The following HTR1F variants were observed in gnomAD, a reference collection of about 807,000 sequenced individuals.
HTR1F encodes 5-hydroxytryptamine receptor 1F.
In HTR1F, 17 loss-of-function variants were observed where a neutral mutation model predicts 24.0. The ratio of observed to expected loss-of-function variants is 0.71; its 90% CI spans 0.48 to 1.06. The LOEUF is 1.06. HTR1F is among the 50% of genes least tolerant of loss of function. HTR1F has a pLI of 0.00. For synonymous variants in HTR1F, 186 were observed against 156.8 expected (o/e 1.19, Z -1.39); for missense variants, 391 against 427.8 (o/e 0.91, Z 0.76).
chr3:87,878,146 C>A (rs1705711938), intron 2 of HTR1F, among the ~76,000 whole-genome samples: 4 of 151,984 alleles, frequency 2.6e-5, no homozygotes, highest in Non-Finnish European at 5.9e-5. Flanking sequence ...ACTTTTGTAA[C>A]CAATAACAAA....
chr3:87,926,301 G>A (rs1210702555), intron 2 of HTR1F, among the ~76,000 whole-genome samples: 1 of 152,084 alleles, frequency 6.6e-6, no homozygotes. Flanking sequence ...AAATATTTTA[G>A]ATCAGACAGT....
rs146947379 is a variant in HTR1F at position 87,943,225 on chromosome 3, T to C, written c.-42-47483T>C. On this transcript the variant is annotated intron_variant, in intron 2 of 2. Transcript: ENST00000319595. ...CTATCATTGACCTGACTGAGTGAGA[T>C]ACCAGAGATCGCCAAACTCTCAGGC... is the stretch of plus-strand genomic sequence containing the variant. Among the ~76,000 whole-genome samples the C allele has an allele frequency of 4.8e-3, 734 of 152,278 alleles. 2 individuals carry two copies. Among genetic ancestry groups the C allele is most frequent in the African/African-American group, 0.017 (703 of 41,544 alleles).
intron 2 of HTR1F, among the ~76,000 whole-genome samples, chr3:87,919,463 C>A (rs1345061966): frequency 2.6e-5 from 4 of 152,006 alleles, no homozygotes; most frequent in African/African-American, 4.8e-5. Context: ...AAAGTCTTCA[C>A]AATCTATACA....
At chr3:87,832,939 A>G (rs1258368644) in intron 2 of HTR1F, among the ~76,000 whole-genome samples, 2 of 152,216 alleles carry the variant, frequency 1.3e-5, no homozygotes, top group East Asian at 1.9e-4. Flanking sequence ...TTGCTTTTGT[A>G]TTCAGACTGG....
chr3:87,896,618 C>T (rs559709326), intron 2 of HTR1F, among the ~76,000 whole-genome samples: 7 of 152,164 alleles, frequency 4.6e-5, no homozygotes, highest in Admixed American at 3.9e-4. Context: ...AAACAATCAA[C>T]AAAGTGAAAA....
intron 2 of HTR1F, among the ~76,000 whole-genome samples, chr3:87,839,273 TCATTCATCTG>T (rs1283104288): frequency 6.6e-6 from 1 of 152,078 alleles, no homozygotes; most frequent in Non-Finnish European, 1.5e-5. Context: ...GGGCCTAATT[TCATTCATCTG>T]CATGTAGATG....
chr3:87,983,777 T>TA (rs1304816199), intron 2 of HTR1F, among the ~76,000 whole-genome samples: 1 of 152,122 alleles, frequency 6.6e-6, no homozygotes, highest in African/African-American at 2.4e-5. Context: ...AATGGAAGAG[T>TA]AAAAAAACAT....
intron 2 of HTR1F, among the ~76,000 whole-genome samples, chr3:87,843,511 C>CTT (rs56345027): frequency 1.7e-4 from 24 of 138,222 alleles, no homozygotes; most frequent in African/African-American, 3.4e-4. Context: ...CTTTCTTTTT[C>CTT]TTTTTTTTTT....
At chr3:87,954,576 T>G (rs1261030198) in intron 2 of HTR1F, among the ~76,000 whole-genome samples, 6 of 151,616 alleles carry the variant, frequency 4.0e-5, no homozygotes, top group Non-Finnish European at 8.9e-5. Flanking sequence ...AAAGAAAATT[T>G]AAGGGATCAA....
intron 2 of HTR1F, among the ~76,000 whole-genome samples, chr3:87,924,630 C>T (rs1704082888): frequency 6.6e-6 from 1 of 152,124 alleles, no homozygotes; most frequent in African/African-American, 2.4e-5. Context: ...TGAAGGATAG[C>T]ATTGCTGGGT....
chr3:87,813,156 C>T (rs530305500), intron 1 of HTR1F, among the ~76,000 whole-genome samples: 1 of 152,326 alleles, frequency 6.6e-6, no homozygotes, highest in East Asian at 1.9e-4. Flanking sequence ...CTACTAACAA[C>T]TTGCACTGTG....
At chr3:87,815,611 T>C (rs1032330919) in intron 1 of HTR1F, among the ~76,000 whole-genome samples, 2 of 152,138 alleles carry the variant, frequency 1.3e-5, no homozygotes, top group African/African-American at 2.4e-5. Context: ...TCTAAGGTTA[T>C]ACAATTTATC....
chr3:87,904,624 T>C (rs1265769399), intron 2 of HTR1F, among the ~76,000 whole-genome samples: 2 of 152,028 alleles, frequency 1.3e-5, no homozygotes, highest in Non-Finnish European at 2.9e-5. Context: ...ATAAATAAAC[T>C]GTGGTATGGT....
At chr3:87,891,196 T>G (rs1706077148) in intron 2 of HTR1F, among the ~76,000 whole-genome samples, 2 of 152,190 alleles carry the variant, frequency 1.3e-5, no homozygotes, top group African/African-American at 4.8e-5. Context: ...CAGTTACTCA[T>G]TTTAATTTGA....
chr3:87,920,734 G>T (rs72913776), intron 2 of HTR1F, among the ~76,000 whole-genome samples: 1 of 151,938 alleles, frequency 6.6e-6, no homozygotes, highest in South Asian at 2.1e-4. Context: ...AAGGTGGAGA[G>T]TGGGAGGAGG....
At chr3:87,953,987 T>C (rs1244192822) in intron 2 of HTR1F, among the ~76,000 whole-genome samples, 3 of 151,602 alleles carry the variant, frequency 2.0e-5, no homozygotes, top group African/African-American at 7.3e-5. Context: ...AAAAAGTTAA[T>C]CTCATGGAGG....
At chr3:87,938,717 G>C (rs1704488550) in intron 2 of HTR1F, among the ~76,000 whole-genome samples, 1 of 152,156 alleles carries the variant, frequency 6.6e-6, no homozygotes, top group African/African-American at 2.4e-5. Context: ...AAATGATGCT[G>C]GGACAACTGG....
intron 1 of HTR1F, among the ~76,000 whole-genome samples, chr3:87,818,440 G>T (rs187867780): frequency 1.3e-5 from 2 of 152,258 alleles, no homozygotes; most frequent in East Asian, 1.9e-4. Flanking sequence ...CACCAAGAAA[G>T]CTACTTGCAA....
intron 2 of HTR1F, among the ~76,000 whole-genome samples, chr3:87,937,404 T>G (rs1289921643): frequency 6.6e-6 from 1 of 152,144 alleles, no homozygotes; most frequent in Admixed American, 6.5e-5. Context: ...AAAAGGCTTT[T>G]GATAAAATTC....
Sources: allele counts gnomAD v4.1 joint callset (sites outside exome capture counted in the v4.1 genomes callset), GRCh38; gene constraint gnomAD v4.1.1; transcripts MANE v1.5; gene names NCBI Gene and HGNC (gene_info 2026-07-23, HGNC 2026-07-21).